Variants in ENPP6 observed in about 807,000 individuals in gnomAD.
The protein encoded by ENPP6 is glycerophosphocholine cholinephosphodiesterase ENPP6.
ENPP6 carries 32 observed loss-of-function variants against 42.0 expected under a neutral mutation model. The ratio of observed to expected loss-of-function variants is 0.76; its 90% CI spans 0.58 to 1.02. ENPP6 has a LOEUF of 1.02. Ranked by LOEUF, ENPP6 falls within the 50% of genes least tolerant of loss-of-function variation. The pLI, the probability that ENPP6 is intolerant of heterozygous loss-of-function variation, is 0.00. For missense variants in ENPP6, 552 were observed against 566.8 expected, an observed-to-expected ratio of 0.97 and a Z score of 0.27; for synonymous variants, 213 against 216.0, an observed-to-expected ratio of 0.99 and a Z score of 0.12.
At chr4:184,111,589 A>G (rs2111340956) in intron 6 of ENPP6, among the ~76,000 whole-genome samples, 2 of 152,354 alleles carry the variant, frequency 1.3e-5, no homozygotes, top group Non-Finnish European at 2.9e-5. Context: ...ACCACGTGGC[A>G]GAGAAGCCAT....
intron 1 of ENPP6, among the ~76,000 whole-genome samples, chr4:184,213,308 C>A (rs902572403): frequency 6.6e-6 from 1 of 150,968 alleles, no homozygotes; most frequent in African/African-American, 2.4e-5. Context: ...AGGCAACCTA[C>A]AAAATGGGAG....
intron 6 of ENPP6, among the ~76,000 whole-genome samples, chr4:184,099,953 T>C (rs930748249): frequency 1.3e-5 from 2 of 152,252 alleles, no homozygotes; most frequent in Admixed American, 1.3e-4. Context: ...TCATAGTCTG[T>C]GTGTGCCCCA....
At chr4:184,176,482 T>G (rs1737562858) in intron 1 of ENPP6, among the ~76,000 whole-genome samples, 2 of 152,124 alleles carry the variant, frequency 1.3e-5, no homozygotes, top group Non-Finnish European at 2.9e-5. Context: ...TGTGGGCCAT[T>G]CAACTTGGGG....
intron 1 of ENPP6, among the ~76,000 whole-genome samples, chr4:184,194,436 GAGAAGACA>G (rs1219208712): frequency 1.3e-5 from 2 of 152,214 alleles, no homozygotes; most frequent in African/African-American, 2.4e-5. Context: ...ATGCCTTTCA[GAGAAGACA>G]AGAAGACAAG....
intron 6 of ENPP6, among the ~76,000 whole-genome samples, chr4:184,098,729 G>A (rs1735951454): frequency 6.6e-6 from 1 of 152,198 alleles, no homozygotes; most frequent in Admixed American, 6.5e-5. Flanking sequence ...CTGAGAGAAG[G>A]CTTTGCAAGT....
At chr4:184,128,058 A>T (rs1302319129) in intron 2 of ENPP6, among the ~76,000 whole-genome samples, 1 of 152,196 alleles carries the variant, frequency 6.6e-6, no homozygotes, top group Non-Finnish European at 1.5e-5. Context: ...AAAACAAAAA[A>T]AATTGATCAA....
At position 184,184,436 on chromosome 4, in the gene ENPP6, T is replaced by A. The variant is rs1732599623; in HGVS notation, c.242-30703A>T. Among the ~76,000 whole-genome samples, 1 of 152,076 alleles carries A rather than the reference T, an allele frequency of 6.6e-6. No homozygotes were observed. On this transcript the variant is annotated intron_variant, in intron 1 of 7. Coordinates refer to ENST00000296741, the MANE Select transcript of ENPP6 (RefSeq NM_153343.4). This position sits in a 1 kb window ranked among gnomAD's most constrained non-coding sequence, Gnocchi z 4.7. Reference sequence around the variant, plus strand: ...AGCTAAATAGCAGAACCAATGCAGCTGAAAAAATAATGAACTGGAAGATGT... The same window carrying A: ...AGCTAAATAGCAGAACCAATGCAGCAGAAAAAATAATGAACTGGAAGATGT...
intron 1 of ENPP6, among the ~76,000 whole-genome samples, chr4:184,189,600 G>A (rs950299756): frequency 6.6e-6 from 1 of 152,328 alleles, no homozygotes; most frequent in East Asian, 1.9e-4. Flanking sequence ...ACAAAGTCAG[G>A]AAGCCTCATG....
At chr4:184,162,666 G>A (rs1219572549) in intron 1 of ENPP6, among the ~76,000 whole-genome samples, 7 of 152,144 alleles carry the variant, frequency 4.6e-5, no homozygotes, top group African/African-American at 1.7e-4. Context: ...AATTAGGATA[G>A]TCCTCATGCC....
intron 3 of ENPP6, among the ~76,000 whole-genome samples, chr4:184,120,146 A>G (rs1443988230): frequency 2.0e-5 from 3 of 152,152 alleles, no homozygotes; most frequent in Admixed American, 6.5e-5. Context: ...TTTCCTGAGT[A>G]TGTGGCTGAG....
In ENPP6 at chr4:184,202,099, T is replaced by C. The variant is rs145234084; in HGVS notation, c.241+15480A>G. Among the ~76,000 whole-genome samples the C allele has an allele frequency of 3.5e-3, 532 of 152,298 alleles. 4 individuals are homozygous for C. The highest frequency in any genetic ancestry group is 0.012 in the African/African-American group (508 of 41,568). ...GGTATTCTGCATGCTTCTTGAACTC[T>C]CCTTTAAGACATGGTCTCTGATCCC... On this transcript the variant is annotated intron_variant, in intron 1 of 7. Transcript: ENST00000296741.
intron 1 of ENPP6, among the ~76,000 whole-genome samples, chr4:184,211,591 A>T (rs1733112510): frequency 6.6e-6 from 1 of 152,262 alleles, no homozygotes; most frequent in African/African-American, 2.4e-5. Context: ...TTGTGGCAAT[A>T]ATCAATAGCT....
At chr4:184,200,238 G>A (rs1330777445) in intron 1 of ENPP6, among the ~76,000 whole-genome samples, 1 of 152,192 alleles carries the variant, frequency 6.6e-6, no homozygotes, top group Non-Finnish European at 1.5e-5. Flanking sequence ...TTTGGCATCT[G>A]ATGCCAGAAG....
rs112175763 is a variant in ENPP6, at chr4:184,208,510, C to T, written c.241+9069G>A. ...ATCTGGAAAATCGGGTCACTCCCAC[C>T]CAAATACTGCGCTTTTCCGACGGGC... On this transcript the variant is annotated intron_variant, in intron 1 of 7. Transcript: ENST00000296741. 9.2e-3 allele frequency among the ~76,000 whole-genome samples: 1,395 copies of T among 152,236 alleles called. 24 individuals are homozygous for T. Among genetic ancestry groups the T allele is most frequent in the African/African-American group, 0.032 (1,315 of 41,516 alleles).
chr4:184,137,984 C>T (rs1207294092), intron 2 of ENPP6, among the ~76,000 whole-genome samples: 1 of 152,184 alleles, frequency 6.6e-6, no homozygotes, highest in Non-Finnish European at 1.5e-5. Context: ...TGGAGAGATG[C>T]ATTGTTTCAA....
At chr4:184,130,717 A>G (rs1197911489) in intron 2 of ENPP6, among the ~76,000 whole-genome samples, 1 of 80,148 alleles carries the variant, frequency 1.2e-5, no homozygotes, top group African/African-American at 5.2e-5. Flanking sequence ...GACAAGTCCT[A>G]ACTGACAAGA....
At chr4:184,134,938 T>A (rs1032360040) in intron 2 of ENPP6, among the ~76,000 whole-genome samples, 2 of 151,864 alleles carry the variant, frequency 1.3e-5, no homozygotes, top group African/African-American at 2.4e-5. Flanking sequence ...AAGATTTTTC[T>A]AAGTTTTCAC....
In ENPP6 at chr4:184,115,293, C is replaced by A. The variant is rs1736294149; in HGVS notation, c.855+1563G>T. Among the ~76,000 whole-genome samples the A allele has an allele frequency of 2.0e-5, 3 of 152,232 alleles. No individual in the cohort carries two copies. The South Asian group carries it at 6.2e-4, about 32-fold the overall frequency. On this transcript the variant is annotated intron_variant, in intron 5 of 7. Transcript: ENST00000296741. ...CCCAGGAAGACAGTTGCTTCCTGCC[C>A]AGATCAGTTTCATCTGGGAGTGGGA...
intron 1 of ENPP6, among the ~76,000 whole-genome samples, chr4:184,201,671 G>A (rs1732905987): frequency 6.6e-6 from 1 of 152,120 alleles, no homozygotes; most frequent in Admixed American, 6.5e-5. Context: ...GTGCAGAGAG[G>A]TCTGTTGATA....
Sources: allele counts gnomAD v4.1 joint callset (sites outside exome capture counted in the v4.1 genomes callset), GRCh38; gene constraint gnomAD v4.1.1; non-coding constraint Gnocchi (gnomAD v3.1); transcripts MANE v1.5; gene names NCBI Gene and HGNC (gene_info 2026-07-23, HGNC 2026-07-21).